The following CDH13 variants were observed in gnomAD, a reference collection of about 807,000 sequenced individuals.
The protein encoded by CDH13 is cadherin-13.
A neutral mutation model predicts 63.8 loss-of-function variants in CDH13; 24 were observed. The ratio of observed to expected loss-of-function variants is 0.38; its 90% CI spans 0.27 to 0.53. The LOEUF is 0.53. Among genes scored for constraint, CDH13 ranks in the 20% least tolerant of loss-of-function variants. The pLI is 0.85. For synonymous variants in CDH13, 503 were observed against 355.3 expected (o/e 1.42, Z -4.67); for missense variants, 1,049 against 903.1 (o/e 1.16, Z -2.07).
At chr16:82,837,278 G>A (rs1479736090) in intron 1 of CDH13, among the ~76,000 whole-genome samples, 1 of 152,156 alleles carries the variant, frequency 6.6e-6, no homozygotes, top group African/African-American at 2.4e-5. Context: ...AGCATGGGGA[G>A]AGCTTGCCTA....
chr16:83,653,162 G>A (rs998211349), intron 8 of CDH13, among the ~76,000 whole-genome samples: 9 of 152,106 alleles, frequency 5.9e-5, no homozygotes, highest in Admixed American at 4.6e-4. Flanking sequence ...TGAAGAATGG[G>A]GAGTGGCTGC....
intron 3 of CDH13, among the ~76,000 whole-genome samples, chr16:83,059,788 T>G (rs2031337057): frequency 2.5e-5 from 3 of 120,808 alleles, no homozygotes; most frequent in South Asian, 5.7e-4. Context: ...TTTTTTTTTT[T>G]GTTTGTTTTT....
intron 2 of CDH13, among the ~76,000 whole-genome samples, chr16:82,960,414 G>C (rs1488385331): frequency 6.6e-6 from 1 of 152,094 alleles, no homozygotes; most frequent in Admixed American, 6.5e-5. Flanking sequence ...ATGAGTGCCT[G>C]TTAAATTCTA....
intron 6 of CDH13, among the ~76,000 whole-genome samples, chr16:83,406,433 T>C (rs1397153625): frequency 1.4e-5 from 2 of 144,836 alleles, no homozygotes; most frequent in African/African-American, 2.6e-5. Flanking sequence ...CCCGCCTCTC[T>C]CTCTGTCTCT....
intron 3 of CDH13, among the ~76,000 whole-genome samples, chr16:83,096,038 T>C (rs1251552377): frequency 6.6e-6 from 1 of 152,134 alleles, no homozygotes; most frequent in African/African-American, 2.4e-5. Flanking sequence ...GAAGAGGGTG[T>C]GATGCAGTGG....
chr16:83,563,899 C>T (rs1014386597), intron 7 of CDH13, among the ~76,000 whole-genome samples: 7 of 151,958 alleles, frequency 4.6e-5, no homozygotes, highest in Non-Finnish European at 7.4e-5. Context: ...CGTGAAGTTA[C>T]TGTGAGTGCA....
At chr16:83,497,958 G>C (rs924610064) in intron 7 of CDH13, among the ~76,000 whole-genome samples, 4 of 152,228 alleles carry the variant, frequency 2.6e-5, no homozygotes, top group African/African-American at 7.2e-5. Flanking sequence ...CATTTTGACA[G>C]CATAGTTCAT....
intron 2 of CDH13, among the ~76,000 whole-genome samples, chr16:82,922,285 T>G (rs1380964315): frequency 2.6e-5 from 4 of 152,180 alleles, no homozygotes; most frequent in Non-Finnish European, 5.9e-5. Flanking sequence ...ATTGGCAAAT[T>G]AAATATGACT....
At chr16:83,413,959 A>G (rs1021590932) in intron 6 of CDH13, among the ~76,000 whole-genome samples, 1 of 152,064 alleles carries the variant, frequency 6.6e-6, no homozygotes, top group Non-Finnish European at 1.5e-5. Context: ...TCACCACTGT[A>G]CTCCAGCCTG....
intron 6 of CDH13, among the ~76,000 whole-genome samples, chr16:83,422,153 G>A (rs2071734322): frequency 6.6e-6 from 1 of 152,198 alleles, no homozygotes; most frequent in South Asian, 2.1e-4. Flanking sequence ...TGAAGGCCAT[G>A]TTCCCCTTTA....
In CDH13 at chr16:83,187,952, T is replaced by A. The variant is rs1192945803; in HGVS notation, c.484-29393T>A. On this transcript the variant is annotated intron_variant, in intron 4 of 13. Coordinates refer to ENST00000567109, the MANE Select transcript of CDH13 (RefSeq NM_001257.5). ...CTATCTGGGGGCTGAGCATCCTCGA[T>A]AAAAGGAACTATGAGTGCAAAAGCT... Among the ~76,000 whole-genome samples the A allele has an allele frequency of 2.6e-5, 4 of 152,162 alleles. No homozygotes were observed. In the East Asian group the frequency reaches 7.8e-4, roughly 30 times the overall value.
intron 2 of CDH13, among the ~76,000 whole-genome samples, chr16:82,870,439 A>G (rs1012425181): frequency 3.9e-5 from 6 of 152,120 alleles, no homozygotes; most frequent in Non-Finnish European, 7.4e-5. Context: ...TAGAACTACT[A>G]TATGGCCCAA....
intron 1 of CDH13, chr16:82,705,175 A>G (rs1393016731): frequency 6.6e-6 from 3 of 455,834 alleles, no homozygotes; most frequent in African/African-American, 4.0e-5. Flanking sequence ...AGGTAAACAG[A>G]TTGCTTCCAG....
At chr16:83,338,183 T>TA (rs1408439057) in intron 5 of CDH13, among the ~76,000 whole-genome samples, 921 of 56,446 alleles carry the variant, frequency 0.016, 27 homozygotes, top group East Asian at 0.16. Context: ...CCTCTTCTTT[T>TA]TAAAAAAAAA....
intron 3 of CDH13, among the ~76,000 whole-genome samples, chr16:83,058,535 A>G (rs943103008): frequency 2.0e-5 from 3 of 152,120 alleles, no homozygotes; most frequent in African/African-American, 7.2e-5. Context: ...AATTCCAACC[A>G]TGTTGCCAAG....
At position 83,305,110 on chromosome 16, in the gene CDH13, C is replaced by T. The variant is rs373323701; in HGVS notation, c.637-39752C>T. Among the ~76,000 whole-genome samples the T allele has an allele frequency of 1.8e-3, 279 of 152,284 alleles. 1 individual carries two copies. Among genetic ancestry groups the T allele is most frequent in the Admixed American group, 4.8e-3 (73 of 15,308 alleles). Reference sequence around the variant, plus strand: ...TAAGGGGCTGTCCTGGGGGGACTCTCCTGCTCTGAAGGGGGCCATCCTGGT... The same window carrying T: ...TAAGGGGCTGTCCTGGGGGGACTCTTCTGCTCTGAAGGGGGCCATCCTGGT... On this transcript the variant is annotated intron_variant, in intron 5 of 13. Coordinates refer to ENST00000567109, the MANE Select transcript of CDH13 (RefSeq NM_001257.5).
chr16:82,886,361 A>G (rs923699644), intron 2 of CDH13, among the ~76,000 whole-genome samples: 2 of 152,166 alleles, frequency 1.3e-5, no homozygotes, highest in African/African-American at 4.8e-5. Flanking sequence ...TATGGTTTTG[A>G]TGGCCAGGTT....
chr16:83,458,599 A>G (rs926552480), intron 6 of CDH13, among the ~76,000 whole-genome samples: 1 of 152,022 alleles, frequency 6.6e-6, no homozygotes, highest in Non-Finnish European at 1.5e-5. Context: ...AATTCTTACT[A>G]TTTTTTCATA....
intron 6 of CDH13, among the ~76,000 whole-genome samples, chr16:83,439,869 C>G (rs1452474232): frequency 2.6e-5 from 4 of 152,178 alleles, no homozygotes; most frequent in Admixed American, 6.5e-5. Flanking sequence ...TACTGTCAAT[C>G]CTTGGTGTCC....
Sources: gnomAD v4.1 joint callset for allele counts (sites outside exome capture counted in the v4.1 genomes callset) on GRCh38, gnomAD v4.1.1 for gene constraint, MANE v1.5 for transcripts, NCBI Gene and HGNC (gene_info 2026-07-23, HGNC 2026-07-21) for gene names.